The following PDE4D variants were observed in gnomAD, a reference collection of about 807,000 sequenced individuals.
The protein encoded by PDE4D is phosphodiesterase 4D.
PDE4D carries 24 observed loss-of-function variants against 87.4 expected under a neutral mutation model. The ratio of observed to expected loss-of-function variants is 0.27; its 90% CI spans 0.20 to 0.39. The LOEUF (loss-of-function observed/expected upper bound fraction) is 0.39, where lower values mean the gene tolerates loss of function less well. PDE4D is among the 10% of genes least tolerant of loss of function. The probability of loss-of-function intolerance (pLI) is 1.00; values close to 1 mark genes in which losing one functional copy is unlikely to be tolerated. For missense variants in PDE4D, 714 were observed against 1,041.0 expected (o/e 0.69, Z 4.32); for synonymous variants, 384 against 383.2 (o/e 1.00, Z -0.02).
At chr5:60,131,051 T>C (rs893312357) in intron 2 of PDE4D, among the ~76,000 whole-genome samples, 1 of 152,220 alleles carries the variant, frequency 6.6e-6, no homozygotes, top group Non-Finnish European at 1.5e-5. Context: ...CAGAGAAGGA[T>C]GTTTCTAGCA....
At chr5:59,808,246 T>A (rs1179714874) in intron 1 of PDE4D, among the ~76,000 whole-genome samples, 3 of 152,180 alleles carry the variant, frequency 2.0e-5, no homozygotes, top group African/African-American at 7.2e-5. Context: ...GCTGTCATTG[T>A]CCTCCATAGT....
Position 59,976,857 on chromosome 5 carries a change from T to TCTGTGATC in PDE4D, c.272+11623_272+11630dup, listed in dbSNP as rs1166105993. ...ATTATTATTATATCTGCTAGGGTGA[T>TCTGTGATC]CTGTGATCAGTGGTCTTGGATGTTA... On this transcript the variant is annotated intron_variant, in intron 3 of 16. Coordinates refer to the PDE4D transcript ENST00000502484. Among the ~76,000 whole-genome samples, 18 of 152,326 alleles carry TCTGTGATC rather than the reference T, an allele frequency of 1.2e-4. No homozygotes were observed. In the East Asian group the frequency reaches 1.3e-3, roughly 11 times the overall value.
At chr5:60,264,128 G>A (rs572446881) in intron 1 of PDE4D, among the ~76,000 whole-genome samples, 1 of 152,210 alleles carries the variant, frequency 6.6e-6, no homozygotes, top group Admixed American at 6.5e-5. Flanking sequence ...TTAGATTGGA[G>A]GAATGGGCAA....
chr5:59,844,184 C>G (rs1345922454), intron 1 of PDE4D, among the ~76,000 whole-genome samples: 1 of 151,972 alleles, frequency 6.6e-6, no homozygotes, highest in Admixed American at 6.6e-5. Flanking sequence ...TTGCAAGTAC[C>G]ATGAATAGTT....
At chr5:59,908,255 T>C (rs1204726553) in intron 3 of PDE4D, among the ~76,000 whole-genome samples, 1 of 152,106 alleles carries the variant, frequency 6.6e-6, no homozygotes, top group Non-Finnish European at 1.5e-5. Context: ...CAGATGTCAT[T>C]AATGAAAAAG....
At chr5:60,373,493 A>G (rs1761195951) in intron 1 of PDE4D, among the ~76,000 whole-genome samples, 1 of 152,178 alleles carries the variant, frequency 6.6e-6, no homozygotes, top group Non-Finnish European at 1.5e-5. Context: ...CTTGCCTGAG[A>G]GTTGCAAACC....
At chr5:59,651,107 T>C (rs975799325) in intron 1 of PDE4D, among the ~76,000 whole-genome samples, 5 of 151,340 alleles carry the variant, frequency 3.3e-5, no homozygotes, top group Admixed American at 6.6e-5. Context: ...TACAAAAAAA[T>C]TAGCCTGGCG....
chr5:59,447,403 A>G (rs1798503906), intron 1 of PDE4D, among the ~76,000 whole-genome samples: 1 of 152,186 alleles, frequency 6.6e-6, no homozygotes. Context: ...TTATCAATAA[A>G]CACTTTTTAG....
intron 3 of PDE4D, among the ~76,000 whole-genome samples, chr5:59,965,856 G>A (rs1759984206): frequency 6.6e-6 from 1 of 152,176 alleles, no homozygotes. Flanking sequence ...TGCAGTAGTA[G>A]TGCAAGCTCC....
chr5:59,802,396 C>CTTTTT (rs60356253), intron 1 of PDE4D, among the ~76,000 whole-genome samples: 3 of 110,360 alleles, frequency 2.7e-5, no homozygotes, highest in Non-Finnish European at 3.6e-5. Context: ...CTTCCATATT[C>CTTTTT]TTTTTTTTTT....
At chr5:60,390,857 A>T (rs1167844832) in intron 1 of PDE4D, among the ~76,000 whole-genome samples, 1 of 152,094 alleles carries the variant, frequency 6.6e-6, no homozygotes, top group Non-Finnish European at 1.5e-5. Flanking sequence ...ATAGAAAGTC[A>T]CTGGCTGTTT....
chr5:60,403,800 TG>T (rs1327154185), intron 1 of PDE4D, among the ~76,000 whole-genome samples: 1 of 152,206 alleles, frequency 6.6e-6, no homozygotes, highest in Non-Finnish European at 1.5e-5. Context: ...AGCTGACCTT[TG>T]TCAAGAAAGT....
chr5:60,371,325 TC>T (rs1761011088), intron 1 of PDE4D, among the ~76,000 whole-genome samples: 1 of 152,192 alleles, frequency 6.6e-6, no homozygotes, highest in Non-Finnish European at 1.5e-5. Context: ...AAGATGCTGC[TC>T]CCCGTTCAGT....
chr5:59,707,033 T>A (rs1046973460), intron 1 of PDE4D, among the ~76,000 whole-genome samples: 1 of 152,200 alleles, frequency 6.6e-6, no homozygotes, highest in African/African-American at 2.4e-5. Flanking sequence ...AGCAGAAACT[T>A]AATGCATGAA....
chr5:59,067,650 G>T (rs1018425476), intron 5 of PDE4D, among the ~76,000 whole-genome samples: 1 of 152,064 alleles, frequency 6.6e-6, no homozygotes, highest in Non-Finnish European at 1.5e-5. Flanking sequence ...TAAGATTAGA[G>T]GAAAAACTGA....
intron 1 of PDE4D, among the ~76,000 whole-genome samples, chr5:59,621,689 C>G (rs1270347787): frequency 6.6e-6 from 1 of 152,182 alleles, no homozygotes; most frequent in African/African-American, 2.4e-5. Flanking sequence ...TTATAAACAA[C>G]AGTAGTCAGA....
chr5:59,081,518 T>TAAAA (rs35050580), intron 5 of PDE4D, among the ~76,000 whole-genome samples: 2 of 135,436 alleles, frequency 1.5e-5, no homozygotes, highest in Non-Finnish European at 3.1e-5. Context: ...AGTAATCAGG[T>TAAAA]AAAAAAAAAA....
chr5:59,949,434 C>CAAAAAAA (rs59654913), intron 3 of PDE4D, among the ~76,000 whole-genome samples: 32 of 57,562 alleles, frequency 5.6e-4, no homozygotes, highest in African/African-American at 1.5e-3. Flanking sequence ...CTCCGTCTCA[C>CAAAAAAA]AAAAAAAAAA....
At chr5:59,396,951 G>A (rs1446119746) in intron 1 of PDE4D, among the ~76,000 whole-genome samples, 1,316 of 116,724 alleles carry the variant, frequency 0.011, 298 homozygotes, top group African/African-American at 0.044. Context: ...TGATAAAACA[G>A]ACTTTAAACC....
Sources: gnomAD v4.1 joint callset for allele counts (sites outside exome capture counted in the v4.1 genomes callset) on GRCh38, gnomAD v4.1.1 for gene constraint, MANE v1.5 for transcripts, NCBI Gene and HGNC (gene_info 2026-07-23, HGNC 2026-07-21) for gene names.